The following TXNDC16 variants were observed in gnomAD, a reference collection of about 807,000 sequenced individuals.
TXNDC16 encodes thioredoxin domain-containing protein 16.
A neutral mutation model predicts 85.6 loss-of-function variants in TXNDC16; 74 were observed. The observed-to-expected ratio is 0.86, with a 90% CI of 0.72 to 1.05. TXNDC16 has a LOEUF of 1.05. Among genes scored for constraint, TXNDC16 ranks in the 50% least tolerant of loss-of-function variants. The probability of loss-of-function intolerance (pLI) is 0.00; values close to 1 mark genes in which losing one functional copy is unlikely to be tolerated. For missense variants in TXNDC16, 959 were observed against 947.0 expected, an observed-to-expected ratio of 1.01 and a Z score of -0.17; for synonymous variants, 335 against 326.5, an observed-to-expected ratio of 1.03 and a Z score of -0.28.
rs761398870 is a variant in TXNDC16 at position 52,514,431 on chromosome 14, T to C, written c.605+449A>G. Among the ~76,000 whole-genome samples, 4 of 152,172 alleles carry C rather than the reference T, an allele frequency of 2.6e-5. No homozygotes were observed. In the South Asian group the frequency reaches 8.3e-4, roughly 31 times the overall value. ...GTGGAAAGTAGGCTTCTACCTAAAATTGTAAACTAGACAAGAAAAATCAAC... is the reference window on the plus strand; with the variant it reads ...GTGGAAAGTAGGCTTCTACCTAAAACTGTAAACTAGACAAGAAAAATCAAC... On this transcript the variant is annotated intron_variant, in intron 8 of 20. Coordinates refer to ENST00000281741, the MANE Select transcript of TXNDC16 (RefSeq NM_020784.3).
intron 20 of TXNDC16, among the ~76,000 whole-genome samples, chr14:52,438,655 G>T (rs1375341722): frequency 1.3e-5 from 2 of 152,030 alleles, no homozygotes; most frequent in Non-Finnish European, 2.9e-5. Flanking sequence ...GCTTTATTGT[G>T]GTGGTCTCAT....
chr14:52,489,636 C>A (rs2036355214), intron 11 of TXNDC16, among the ~76,000 whole-genome samples: 1 of 152,050 alleles, frequency 6.6e-6, no homozygotes, highest in African/African-American at 2.4e-5. Flanking sequence ...AACATTAACA[C>A]AGAAAAGAAC....
chr14:52,512,633 G>C (rs2036983468), intron 8 of TXNDC16, among the ~76,000 whole-genome samples: 1 of 152,126 alleles, frequency 6.6e-6, no homozygotes, highest in South Asian at 2.1e-4. Flanking sequence ...TATTTTATCA[G>C]GGATCATTTG....
chr14:52,513,988 A>C (rs1177443877), intron 8 of TXNDC16, among the ~76,000 whole-genome samples: 1 of 152,130 alleles, frequency 6.6e-6, no homozygotes, highest in Non-Finnish European at 1.5e-5. Context: ...CATTTTATTT[A>C]ACTCATTAAT....
chr14:52,480,331 A>C (rs1194600466), intron 14 of TXNDC16, among the ~76,000 whole-genome samples: 1 of 152,194 alleles, frequency 6.6e-6, no homozygotes, highest in Non-Finnish European at 1.5e-5. Flanking sequence ...AGACTTAATT[A>C]AACTAAAGAG....
intron 9 of TXNDC16, among the ~76,000 whole-genome samples, chr14:52,506,828 T>C (rs1350934921): frequency 6.9e-6 from 1 of 144,298 alleles, no homozygotes; most frequent in African/African-American, 2.6e-5. Context: ...AGTGCTGGGA[T>C]TACAGGCGTG....
At chr14:52,454,234 T>G (rs1230483617) in intron 18 of TXNDC16, among the ~76,000 whole-genome samples, 1 of 151,896 alleles carries the variant, frequency 6.6e-6, no homozygotes, top group Non-Finnish European at 1.5e-5. Context: ...GAGACCAGCC[T>G]GGGCAACATG....
chr14:52,441,157 TA>T (rs1199235561), intron 18 of TXNDC16, among the ~76,000 whole-genome samples: 1 of 152,188 alleles, frequency 6.6e-6, no homozygotes, highest in Non-Finnish European at 1.5e-5. Flanking sequence ...TATAAAATTT[TA>T]CTTTTTCCAA....
At chr14:52,506,318 A>C (rs2140175383) in intron 9 of TXNDC16, among the ~76,000 whole-genome samples, 1 of 152,284 alleles carries the variant, frequency 6.6e-6, no homozygotes, top group East Asian at 1.9e-4. Context: ...TGATGCAAAA[A>C]TCCTCAATAA....
intron 1 of TXNDC16, among the ~76,000 whole-genome samples, chr14:52,546,947 G>A (rs1161843856): frequency 2.0e-5 from 3 of 152,214 alleles, no homozygotes; most frequent in African/African-American, 7.2e-5. Context: ...GAGGTGACAT[G>A]TACCTGATTA....
At chr14:52,450,880 T>TATATAC (rs1491178456) in intron 18 of TXNDC16, among the ~76,000 whole-genome samples, 8 of 113,542 alleles carry the variant, frequency 7.0e-5, no homozygotes, top group Non-Finnish European at 1.2e-4. Flanking sequence ...TATATATATA[T>TATATAC]ACACACACAC....
intron 6 of TXNDC16, among the ~76,000 whole-genome samples, chr14:52,520,784 C>A (rs1375153688): frequency 1.3e-5 from 2 of 152,050 alleles, no homozygotes; most frequent in Non-Finnish European, 2.9e-5. Context: ...TGCAGGTCCA[C>A]ATACTTAAAT....
At chr14:52,545,618 A>G (rs1014149828) in intron 1 of TXNDC16, among the ~76,000 whole-genome samples, 1 of 152,244 alleles carries the variant, frequency 6.6e-6, no homozygotes, top group Non-Finnish European at 1.5e-5. Context: ...GGGAAAATAA[A>G]TGAAAGAGAA....
At chr14:52,468,325 T>C (rs1594703394) in intron 16 of TXNDC16, among the ~76,000 whole-genome samples, 1 of 152,018 alleles carries the variant, frequency 6.6e-6, no homozygotes, top group Non-Finnish European at 1.5e-5. Context: ...ATATTGTAAA[T>C]TAAAGCAAGA....
At chr14:52,466,130 T>A (rs1555335190) in intron 16 of TXNDC16, among the ~76,000 whole-genome samples, 1 of 151,384 alleles carries the variant, frequency 6.6e-6, no homozygotes, top group Non-Finnish European at 1.5e-5. Context: ...CAATAAATAA[T>A]TAAATAAATA....
intron 8 of TXNDC16, among the ~76,000 whole-genome samples, chr14:52,513,119 G>C (rs951604149): frequency 2.0e-5 from 3 of 152,102 alleles, no homozygotes; most frequent in African/African-American, 7.2e-5. Context: ...AAGTACTGGA[G>C]TCTATGGCAT....
intron 16 of TXNDC16, among the ~76,000 whole-genome samples, chr14:52,465,511 G>C (rs2035752465): frequency 6.7e-6 from 1 of 149,752 alleles, no homozygotes; most frequent in African/African-American, 2.5e-5. Context: ...AGAATGGCGT[G>C]AACCTGGGAG....
At chr14:52,515,484 T>C (rs189328719) in intron 7 of TXNDC16, among the ~76,000 whole-genome samples, 1 of 152,242 alleles carries the variant, frequency 6.6e-6, no homozygotes, top group East Asian at 1.9e-4. Context: ...TATGTGTCTG[T>C]GTATGTTATT....
chr14:52,490,510 A>G, intron 10 of TXNDC16, 59 bp from the exon 11 acceptor site: 1 of 1,275,320 alleles, frequency 7.8e-7, no homozygotes, highest in South Asian at 1.4e-5. Flanking sequence ...ATAGTCACCC[A>G]GGACTTCAAT....
Sources: gnomAD v4.1 joint callset for allele counts (sites outside exome capture counted in the v4.1 genomes callset) on GRCh38, gnomAD v4.1.1 for gene constraint, MANE v1.5 for transcripts, NCBI Gene and HGNC (gene_info 2026-07-23, HGNC 2026-07-21) for gene names.